Variants in ADAMTSL1 observed in about 807,000 individuals in gnomAD.
ADAMTSL1 encodes the protein ADAMTS-like protein 1.
ADAMTSL1 carries 126 observed loss-of-function variants against 201.8 expected under a neutral mutation model. The observed-to-expected ratio is 0.62, with a 90% confidence interval of 0.54 to 0.72. The LOEUF (loss-of-function observed/expected upper bound fraction) is 0.72. Among genes scored for constraint, ADAMTSL1 ranks in the 30% least tolerant of loss-of-function variants. The pLI, the probability that ADAMTSL1 is intolerant of heterozygous loss-of-function variation, is 0.00. For synonymous variants in ADAMTSL1, 1,121 were observed against 903.4 expected, an observed-to-expected ratio of 1.24 and a Z score of -4.32; for missense variants, 2,679 against 2,277.8, an observed-to-expected ratio of 1.18 and a Z score of -3.59.
At chr9:18,873,377 CA>C (rs1827972953) in intron 23 of ADAMTSL1, among the ~76,000 whole-genome samples, 1 of 152,092 alleles carries the variant, frequency 6.6e-6, no homozygotes, top group African/African-American at 2.4e-5. Flanking sequence ...TTGCTGAAGC[CA>C]ATGTCAAGAA....
intron 1 of ADAMTSL1, among the ~76,000 whole-genome samples, chr9:18,497,803 C>T (rs1024838611): frequency 7.9e-5 from 12 of 152,102 alleles, no homozygotes; most frequent in African/African-American, 2.9e-4. Context: ...TCCAAAATGC[C>T]CAGAGGTTTC....
chr9:18,230,320 T>C (rs142942892), intron 2 of ADAMTSL1, among the ~76,000 whole-genome samples: 1 of 152,070 alleles, frequency 6.6e-6, no homozygotes, highest in Non-Finnish European at 1.5e-5. Flanking sequence ...CCGGCCTACA[T>C]GGGGAAGCCT....
chr9:17,956,404 G>T (rs555210241), intron 1 of ADAMTSL1, among the ~76,000 whole-genome samples: 1 of 152,134 alleles, frequency 6.6e-6, no homozygotes, highest in Non-Finnish European at 1.5e-5. Flanking sequence ...CGGCAATATT[G>T]TTGGCAGTGT....
At chr9:18,174,547 G>A (rs563062527) in intron 2 of ADAMTSL1, among the ~76,000 whole-genome samples, 43 of 152,232 alleles carry the variant, frequency 2.8e-4, no homozygotes, top group Non-Finnish European at 5.6e-4. Flanking sequence ...GTGACAAAAT[G>A]TCCTTTTGAT....
chr9:18,004,033 A>AT (rs1554678086), intron 1 of ADAMTSL1, among the ~76,000 whole-genome samples: 1 of 152,012 alleles, frequency 6.6e-6, no homozygotes, highest in Non-Finnish European at 1.5e-5. Flanking sequence ...AAAAGAAAAT[A>AT]TTTCTTTTGA....
At chr9:18,326,744 C>G (rs2132882916) in intron 2 of ADAMTSL1, among the ~76,000 whole-genome samples, 2 of 152,306 alleles carry the variant, frequency 1.3e-5, no homozygotes, top group Middle Eastern at 6.8e-3. Flanking sequence ...TTTTGCAGAT[C>G]AGAGCTTCAT....
intron 2 of ADAMTSL1, among the ~76,000 whole-genome samples, chr9:18,411,160 C>T (rs1392756715): frequency 8.6e-6 from 1 of 115,984 alleles, no homozygotes; most frequent in South Asian, 2.5e-4. Context: ...CTGCACCCAG[C>T]CCTTTATTTA....
intron 2 of ADAMTSL1, among the ~76,000 whole-genome samples, chr9:18,239,110 T>C (rs1830960510): frequency 6.6e-6 from 1 of 152,204 alleles, no homozygotes; most frequent in African/African-American, 2.4e-5. Context: ...CTTCAGTGAG[T>C]CTTAATCTTT....
At chr9:18,140,006 G>A (rs186707472) in intron 1 of ADAMTSL1, among the ~76,000 whole-genome samples, 5 of 152,136 alleles carry the variant, frequency 3.3e-5, no homozygotes, top group Admixed American at 3.3e-4. Flanking sequence ...GCAATGTATT[G>A]AGCCAGGCAT....
chr9:18,163,818 C>T (rs1827514322), intron 1 of ADAMTSL1: 1 of 152,018 alleles, frequency 6.6e-6, no homozygotes, highest in Admixed American at 6.6e-5. Flanking sequence ...CCAATCCCTC[C>T]AGGCTCTGTC....
chr9:18,544,478 G>T (rs1164384104), intron 3 of ADAMTSL1, among the ~76,000 whole-genome samples: 1 of 152,054 alleles, frequency 6.6e-6, no homozygotes, highest in Non-Finnish European at 1.5e-5. Flanking sequence ...TATACTTAAA[G>T]GGCCATAGGA....
At chr9:17,944,078 A>C (rs971709795) in intron 1 of ADAMTSL1, among the ~76,000 whole-genome samples, 1 of 152,024 alleles carries the variant, frequency 6.6e-6, no homozygotes, top group African/African-American at 2.4e-5. Context: ...CACCTCCAGC[A>C]CTGGGAATTA....
At chr9:18,088,002 G>A (rs935928369) in intron 1 of ADAMTSL1, among the ~76,000 whole-genome samples, 3 of 152,120 alleles carry the variant, frequency 2.0e-5, no homozygotes, top group South Asian at 4.1e-4. Context: ...ATGATCTCAA[G>A]ATATATTACA....
chr9:18,560,050 A>G (rs1821382101), intron 3 of ADAMTSL1, among the ~76,000 whole-genome samples: 1 of 152,156 alleles, frequency 6.6e-6, no homozygotes, highest in African/African-American at 2.4e-5. Context: ...ATTATGTTGA[A>G]TAGGAGTGGT....
intron 22 of ADAMTSL1, among the ~76,000 whole-genome samples, chr9:18,828,697 A>ATATATATATTG (rs1824776656): frequency 2.4e-5 from 1 of 42,510 alleles, no homozygotes. Flanking sequence ...TATATATAAA[A>ATATATATATTG]TGTGTGTGTG....
At chr9:18,771,785 A>G (rs1417854449) in intron 17 of ADAMTSL1, among the ~76,000 whole-genome samples, 1 of 136,454 alleles carries the variant, frequency 7.3e-6, no homozygotes, top group East Asian at 2.3e-4. Context: ...AATACCTCAC[A>G]GAGATACTTG....
intron 1 of ADAMTSL1, among the ~76,000 whole-genome samples, chr9:17,914,557 C>T (rs2131275561): frequency 6.6e-6 from 1 of 151,358 alleles, no homozygotes; most frequent in Non-Finnish European, 1.5e-5. Flanking sequence ...AAACCCACAG[C>T]CAATATCATA....
chr9:18,200,564 G>C (rs1387164709), intron 2 of ADAMTSL1, among the ~76,000 whole-genome samples: 1 of 151,818 alleles, frequency 6.6e-6, no homozygotes, highest in African/African-American at 2.4e-5. Context: ...TGCAAACATG[G>C]GTTATTATAT....
At chr9:18,825,056 G>A (rs998551204) in intron 21 of ADAMTSL1, among the ~76,000 whole-genome samples, 3 of 152,114 alleles carry the variant, frequency 2.0e-5, no homozygotes, top group Non-Finnish European at 2.9e-5. Flanking sequence ...AATAAACTGT[G>A]TGAGCTGGGT....
Sources: allele counts gnomAD v4.1 joint callset (sites outside exome capture counted in the v4.1 genomes callset), GRCh38; gene constraint gnomAD v4.1.1; transcripts MANE v1.5; gene names NCBI Gene and HGNC (gene_info 2026-07-23, HGNC 2026-07-21).